The following GRIFIN variants were observed in gnomAD, a reference collection of about 807,000 sequenced individuals.
The protein encoded by GRIFIN is galectin-related inter-fiber protein.
Under a neutral mutation model 18.2 loss-of-function variants are expected in GRIFIN, and 22 were observed. That is an observed-to-expected ratio of 1.21 (90% CI 0.86 to 1.73). The LOEUF (loss-of-function observed/expected upper bound fraction) is 1.73, where lower values mean the gene tolerates loss of function less well. Among genes scored for constraint, GRIFIN ranks in the 40% most tolerant of loss-of-function variants. GRIFIN has a pLI of 0.00. For synonymous variants in GRIFIN, 101 were observed against 82.8 expected, an observed-to-expected ratio of 1.22 and a Z score of -1.19; for missense variants, 200 against 190.1, an observed-to-expected ratio of 1.05 and a Z score of -0.31.
At position 2,475,805 on chromosome 7, in the gene GRIFIN, T is replaced by TC; in HGVS notation, c.115dup (p.Glu39GlyfsTer35). ...GATGTGGAAGGCAATGTCCCCCGTC[T>TC]CCAACAAGAAGTTAGTCTCGAACCT... On this transcript the variant is annotated frameshift_variant, in exon 3 of 5. Coordinates refer to ENST00000614228, the MANE Select transcript of GRIFIN (RefSeq NM_001394787.1). LOFTEE classifies it high-confidence loss of function. The TC allele has an allele frequency of 6.4e-7, 1 of 1,573,056 alleles. No individual in the cohort carries two copies. Among genetic ancestry groups the TC allele is most frequent in the Non-Finnish European group, 8.6e-7 (1 of 1,161,114 alleles).
chr7:2,476,229 CT>C, intron 1 of GRIFIN, 142 bp downstream of exon 1: 1 of 1,097,038 alleles, frequency 9.1e-7, no homozygotes, highest in Non-Finnish European at 1.3e-6. Context: ...CTGGGGGGAC[CT>C]TCACCCTGAC....
At chr7:2,476,269 G>A in intron 1 of GRIFIN, 103 bp downstream of exon 1, 1 of 1,377,042 alleles carries the variant, frequency 7.3e-7, no homozygotes. Context: ...TCTGATGAGA[G>A]GCCAGAGCCC....
At chr7:2,475,441 G>C (rs1330280386) in intron 3 of GRIFIN, 134 bp from the exon 4 acceptor site, 1 of 1,292,640 alleles carries the variant, frequency 7.7e-7, no homozygotes, top group Non-Finnish European at 1.0e-6. Flanking sequence ...CCCTTGGCTT[G>C]GAGCCCCCAG....
At chr7:2,475,054 G>A (rs546535346) in intron 4 of GRIFIN, 87 bp downstream of exon 4, 32 of 1,443,018 alleles carry the variant, frequency 2.2e-5, no homozygotes, top group Middle Eastern at 2.5e-4. Flanking sequence ...GAGGGTCCCC[G>A]GATCAGGGTG....
At chr7:2,475,505 G>T in intron 3 of GRIFIN, 164 bp downstream of exon 3, 2 of 1,160,012 alleles carry the variant, frequency 1.7e-6, no homozygotes, top group Non-Finnish European at 2.4e-6. Flanking sequence ...CAGGGTGGTG[G>T]GTACCTACTG....
In GRIFIN at chr7:2,475,254, C is replaced by G; in HGVS notation, c.306G>C (p.Lys102Asn). Reference protein sequence around the residue: ...EHFHVYAPEHKVLQFPCRQRP... With the variant: ...EHFHVYAPEHNVLQFPCRQRP... Reference sequence around the variant, plus strand: ...TCTGACGGCATGGGAACTGTAGCACCTTGTGCTCCGGGGCGTAGACGTGGA... The same window carrying G: ...TCTGACGGCATGGGAACTGTAGCACGTTGTGCTCCGGGGCGTAGACGTGGA... The change falls in exon 4 of 5, where the codon AAG becomes AAC. Residue 102 changes from lysine (K) to asparagine (N), a missense_variant. By Grantham distance (94) the Lys-to-Asn change is moderately conservative (BLOSUM62 0). Coordinates refer to ENST00000614228, the MANE Select transcript of GRIFIN (RefSeq NM_001394787.1). The G allele has an allele frequency of 6.3e-7, 1 of 1,597,414 alleles. No homozygotes were observed. The highest frequency in any genetic ancestry group is 1.7e-5 in the Admixed American group (1 of 59,814).
chr7:2,474,936 C>A, intron 4 of GRIFIN, 51 bp from the exon 5 acceptor site: 1 of 629,368 alleles, frequency 1.6e-6, no homozygotes, highest in Non-Finnish European at 2.8e-6. Flanking sequence ...CATGCACAGA[C>A]CAGGGTGGGA....
chr7:2,475,779 T>C lies in GRIFIN; in HGVS notation c.142A>G (p.Lys48Glu). 2 of 1,573,746 alleles carry C rather than the reference T, an allele frequency of 1.3e-6. No homozygotes were observed. The highest frequency in any genetic ancestry group is 1.7e-6 in the Non-Finnish European group (2 of 1,163,326). The stretch of plus-strand genomic sequence containing the variant: ...ACAGTGGCGCTGGAGAACCGGGGCT[T>C]GATGTGGAAGGCAATGTCCCCCGTC... ...LETGDIAFHI[K>E]PRFSSATVVG... The change falls in exon 3 of 5, where the codon AAG becomes GAG. Residue 48 changes from lysine (K) to glutamate (E), a missense_variant. Lys to Glu is a moderately conservative substitution (Grantham distance 56). Coordinates refer to ENST00000614228, the MANE Select transcript of GRIFIN (RefSeq NM_001394787.1).
chr7:2,475,363 T>C (rs1778940695), intron 3 of GRIFIN, 56 bp from the exon 4 acceptor site: 5 of 1,530,842 alleles, frequency 3.3e-6, no homozygotes, highest in Non-Finnish European at 3.5e-6. Flanking sequence ...TGGGGTCTGG[T>C]CCCGCTTTTA....
chr7:2,475,019 G>T (rs915141801), intron 4 of GRIFIN, 122 bp downstream of exon 4: 4 of 1,201,206 alleles, frequency 3.3e-6, no homozygotes, highest in Non-Finnish European at 4.6e-6. Context: ...GGGACGCCAG[G>T]CAGACAACCC....
chr7:2,475,835 C>A lies in GRIFIN; in HGVS notation c.93-7G>T. The A allele has an allele frequency of 1.9e-6, 3 of 1,574,378 alleles. No individual in the cohort carries two copies. The highest frequency in any genetic ancestry group is 1.1e-5 in the South Asian group (1 of 89,600). On this transcript the variant is annotated splice_polypyrimidine_tract_variant and splice_region_variant and intron_variant, in intron 2 of 4. Coordinates refer to ENST00000614228, the MANE Select transcript of GRIFIN (RefSeq NM_001394787.1). Reference sequence around the variant, plus strand: ...CAAGAAGTTAGTCTCGAACCTGGGGCGGACATGGTGCGGGTCAAGAGCTGC... The same window carrying A: ...CAAGAAGTTAGTCTCGAACCTGGGGAGGACATGGTGCGGGTCAAGAGCTGC...
chr7:2,476,308 G>C (rs1583249900), intron 1 of GRIFIN, 64 bp downstream of exon 1: 4 of 1,512,444 alleles, frequency 2.6e-6, no homozygotes, highest in East Asian at 2.4e-5. Context: ...GAGAGAGCAC[G>C]GGTGGCTCAG....
chr7:2,476,079 C>A (rs1001909414), intron 1 of GRIFIN, 80 bp from the exon 2 acceptor site: 1 of 1,191,308 alleles, frequency 8.4e-7, no homozygotes, highest in Admixed American at 2.1e-5. Flanking sequence ...CCTATCCCAT[C>A]TGTCCAGGAA....
chr7:2,475,908 G>C lies in GRIFIN; in HGVS notation c.92+12C>G. On this transcript the variant is annotated intron_variant, in intron 2 of 4. Transcript: ENST00000614228. ...GCCCAAGGCCCAGCGAGGGGAGGGC[G>C]GTGCCGCTGACCTGTCCTCTCCAGA... 2 of 1,597,280 alleles carry C rather than the reference G, an allele frequency of 1.3e-6. No individual in the cohort carries two copies. Among genetic ancestry groups the C allele is most frequent in the Non-Finnish European group, 1.7e-6 (2 of 1,178,940 alleles).
rs1332010260 is a variant in GRIFIN at position 2,475,667 on chromosome 7, A to C, written c.252+2T>G. 1.3e-6 allele frequency: 2 copies of C among 1,487,408 alleles called. No individual in the cohort carries two copies. Among genetic ancestry groups the C allele is most frequent in the Non-Finnish European group, 1.8e-6 (2 of 1,118,768 alleles). The allele number at this position is 1,487,408 out of a possible 1,614,324, so 92.1% of individuals were successfully genotyped here. ...CCCAGGCCCCACCCAGGCCCCTGTC[A>C]CCTCAAAGGGCTCCCCCGGGGCCAG... On this transcript the variant is annotated splice_donor_variant, in intron 3 of 4. Coordinates refer to ENST00000614228, the MANE Select transcript of GRIFIN (RefSeq NM_001394787.1). LOFTEE classifies it high-confidence loss of function.
At chr7:2,476,135 G>T (rs1461829028) in intron 1 of GRIFIN, 136 bp from the exon 2 acceptor site, 10 of 856,502 alleles carry the variant, frequency 1.2e-5, no homozygotes, top group Non-Finnish European at 1.4e-5. Context: ...CCAGACATAG[G>T]CTAAGGCTCT....
chr7:2,476,253 C>A, intron 1 of GRIFIN, 119 bp downstream of exon 1: 1 of 1,296,186 alleles, frequency 7.7e-7, no homozygotes. Flanking sequence ...CCTCTCAGCC[C>A]TGAGATCTGA....
At position 2,475,156 on chromosome 7, in the gene GRIFIN, C is replaced by G; in HGVS notation, c.404G>C (p.Arg135Thr). Residue 135 changes from arginine (R) to threonine (T), a missense_variant, in exon 4 of 5, where the codon AGG (arginine) becomes ACG (threonine). Physicochemically the swap from Arg to Thr is moderately conservative, Grantham distance 71. Coordinates refer to ENST00000614228, the MANE Select transcript of GRIFIN (RefSeq NM_001394787.1). ...GGGACTTTACCCCCAGCTCAGGCCC[C>G]TCTTGGCCAGCTCCACCTGGGCCAG... is the stretch of plus-strand genomic sequence containing the variant. Reference protein sequence around the residue: ...HCLAQVELAKRGLSWGDRGY With the variant: ...HCLAQVELAKTGLSWGDRGY 2.5e-6 allele frequency: 4 copies of G among 1,586,268 alleles called. No individual in the cohort carries two copies. The highest frequency in any genetic ancestry group is 1.1e-5 in the South Asian group (1 of 89,062).
chr7:2,474,926 C>G, intron 4 of GRIFIN, 41 bp from the exon 5 acceptor site: 2 of 616,230 alleles, frequency 3.2e-6, no homozygotes, highest in Non-Finnish European at 5.7e-6. Context: ...CTGCCCTGCC[C>G]ATGCACAGAC....
Sources: gnomAD v4.1 joint callset for allele counts on GRCh38, gnomAD v4.1.1 for gene constraint, MANE v1.5 for transcripts, NCBI Gene and HGNC (gene_info 2026-07-23, HGNC 2026-07-21) for gene names.